Variants in CEACAM8 observed in about 807,000 individuals in gnomAD.
CEACAM8 encodes cell adhesion molecule CEACAM8.
In CEACAM8, 31 loss-of-function variants were observed where a neutral mutation model predicts 33.4. That is an observed-to-expected ratio of 0.93 (90% CI 0.70 to 1.25). CEACAM8 has a LOEUF of 1.25. Ranked by LOEUF, CEACAM8 falls within the 50% of genes most tolerant of loss-of-function variation. CEACAM8 has a pLI of 0.00. For missense variants in CEACAM8, 388 were observed against 434.6 expected, an observed-to-expected ratio of 0.89 and a Z score of 0.95; for synonymous variants, 138 against 164.5, an observed-to-expected ratio of 0.84 and a Z score of 1.23.
intron 4 of CEACAM8, 127 bp downstream of exon 4, chr19:42,588,657 A>G (rs2147863842): frequency 9.5e-7 from 1 of 1,050,650 alleles, no homozygotes; most frequent in East Asian, 2.4e-5. Context: ...GGTTTAGGAG[A>G]AAAGTTGGGG....
rs1304297553 is a variant in CEACAM8, at chr19:42,580,416, G to A, written c.*978C>T. On this transcript the variant is annotated 3_prime_UTR_variant, in exon 6 of 6. Transcript: ENST00000244336. Reference sequence around the variant, plus strand: ...ACTGTCAGCCATTGGGTGGACTAAAGGATCTCATACGTAAAAATTTGGGGT... The same window carrying A: ...ACTGTCAGCCATTGGGTGGACTAAAAGATCTCATACGTAAAAATTTGGGGT... 1 of 152,160 alleles carries A rather than the reference G, an allele frequency of 6.6e-6. No individual in the cohort carries two copies. Among genetic ancestry groups the A allele is most frequent in the East Asian group, 1.9e-4 (1 of 5,194 alleles). 9.4% of individuals were successfully genotyped at this position (152,160 alleles called of 1,614,324 possible). A position where few individuals can be genotyped will look rare whatever the true frequency, so the allele number is the denominator to read the frequency against.
Position 42,593,783 on chromosome 19 carries a change from T to C in CEACAM8, c.182A>G (p.Asp61Gly), listed in dbSNP as rs1230614438. The C allele has an allele frequency of 6.2e-7, 1 of 1,613,964 alleles. No homozygotes were observed. Among genetic ancestry groups the C allele is most frequent in the Admixed American group, 1.7e-5 (1 of 60,004 alleles). Residue 61 changes from aspartate to glycine, a missense_variant, in exon 2 of 6, where the codon GAC becomes GGC. Asp to Gly is a moderately conservative substitution (Grantham distance 94). Coordinates refer to ENST00000244336, the MANE Select transcript of CEACAM8 (RefSeq NM_001816.4). Reference sequence around the variant, plus strand: ...TTTGTACCAGTTGTAGCCACGAGGGTCCTGGGGCAGATTGTGGACAAGTAG... The same window carrying C: ...TTTGTACCAGTTGTAGCCACGAGGGCCCTGGGGCAGATTGTGGACAAGTAG... The part of the protein sequence containing the change: ...VLLLVHNLPQ[D>G]PRGYNWYKGE...
rs546492886 is a variant in CEACAM8, at chr19:42,580,928, A to G, written c.*466T>C. 6.6e-6 allele frequency: 1 copy of G among 152,142 alleles called. No homozygotes were observed. The highest frequency in any genetic ancestry group is 6.5e-5 in the Admixed American group (1 of 15,276). The allele number at this position is 152,142 out of a possible 1,614,324, so 9.4% of individuals were successfully genotyped here. On this transcript the variant is annotated 3_prime_UTR_variant, in exon 6 of 6. Transcript: ENST00000244336. Reference sequence around the variant, plus strand: ...ACCCCGTCTCTACTAAAAATACAAAAAATTAGCCGGGCGTTGTGGCAGGCG... The same window carrying G: ...ACCCCGTCTCTACTAAAAATACAAAGAATTAGCCGGGCGTTGTGGCAGGCG...
Position 42,583,286 on chromosome 19 carries a change from C to G in CEACAM8, c.1010G>C (p.Ser337Thr). The change falls in exon 5 of 6, where the codon AGC becomes ACC. Residue 337 changes from serine to threonine, a missense_variant. Physicochemically the swap from Ser to Thr is moderately conservative, Grantham distance 58. Transcript: ENST00000244336. ...CCTGGCCAGTACTCCAATCATGATG[C>G]TGACAGTGGCTCTAGCTGAGAGGCC... ...SPGLSARATV[S>T]IMIGVLARVA... 6.2e-7 allele frequency: 1 copy of G among 1,613,492 alleles called. No individual in the cohort carries two copies. The highest frequency in any genetic ancestry group is 8.5e-7 in the Non-Finnish European group (1 of 1,179,480).
At chr19:42,592,597 CAAAAAAAAAAAAA>C (rs922130468) in intron 2 of CEACAM8, among the ~76,000 whole-genome samples, 3 of 41,884 alleles carry the variant, frequency 7.2e-5, no homozygotes, top group Non-Finnish European at 1.0e-4. Context: ...GACTCCGTCT[CAAAAAAAAAAAAA>C]AAAAAAAAAA....
At chr19:42,593,298 TCTG>T (rs1277194077) in intron 2 of CEACAM8, among the ~76,000 whole-genome samples, 1 of 152,174 alleles carries the variant, frequency 6.6e-6, no homozygotes, top group Non-Finnish European at 1.5e-5. Flanking sequence ...CTGATCTCCT[TCTG>T]CTGAGTCCCC....
In CEACAM8 at chr19:42,593,739, T is replaced by G. The variant is rs150221785; in HGVS notation, c.226A>C (p.Asn76His). ...NWYKGETVDA[N>H]RRIIGYVISN... ...ATTACATATCCTATAATTCGACGGT[T>G]GGCATCCACTGTTTCCCCTTTGTAC... Residue 76 changes from asparagine (N) to histidine (H), a missense_variant, in exon 2 of 6, where the codon AAC (asparagine) becomes CAC (histidine). By Grantham distance (68) the Asn-to-His change is moderately conservative. Transcript: ENST00000244336. 335 of 1,613,994 alleles carry G rather than the reference T, an allele frequency of 2.1e-4. No homozygotes were observed. The highest frequency in any genetic ancestry group is 2.7e-4 in the Non-Finnish European group (324 of 1,180,016).
At chr19:42,593,466 G>A (rs1600305579) in intron 2 of CEACAM8, 75 bp downstream of exon 2, 2 of 1,519,036 alleles carry the variant, frequency 1.3e-6, no homozygotes, top group South Asian at 1.3e-5. Context: ...CATGGGCACA[G>A]CCCAGGCCTA....
chr19:42,592,717 C>T (rs966639531), intron 2 of CEACAM8, among the ~76,000 whole-genome samples: 11 of 151,990 alleles, frequency 7.2e-5, no homozygotes, highest in African/African-American at 2.7e-4. Flanking sequence ...AGTCACCTGA[C>T]CTGAAGCTTG....
At chr19:42,590,147 C>G (rs1420936961) in intron 2 of CEACAM8, among the ~76,000 whole-genome samples, 1 of 152,150 alleles carries the variant, frequency 6.6e-6, no homozygotes, top group Non-Finnish European at 1.5e-5. Flanking sequence ...TTTGAGGGTT[C>G]TGTTTCCAAG....
At chr19:42,584,778 G>GCAACTT (rs1456420865) in intron 4 of CEACAM8, among the ~76,000 whole-genome samples, 1 of 152,128 alleles carries the variant, frequency 6.6e-6, no homozygotes, top group African/African-American at 2.4e-5. Context: ...AACCTAATTT[G>GCAACTT]CAACTTCATG....
In CEACAM8 at chr19:42,592,375, C is replaced by G. The variant is rs375254990; in HGVS notation, c.424+1166G>C. 3.6e-4 allele frequency among the ~76,000 whole-genome samples: 55 copies of G among 152,158 alleles called. 1 individual carries two copies. Among genetic ancestry groups the G allele is most frequent in the African/African-American group, 1.3e-3 (53 of 41,518 alleles). ...ATCCCAGCATTTTGGGAGGCCGAGG[C>G]AGGCGGATCATGAGGTCAAGAAATC... On this transcript the variant is annotated intron_variant, in intron 2 of 5. Coordinates refer to ENST00000244336, the MANE Select transcript of CEACAM8 (RefSeq NM_001816.4).
intron 4 of CEACAM8, among the ~76,000 whole-genome samples, chr19:42,587,699 G>T (rs923225088): frequency 2.6e-5 from 4 of 151,914 alleles, no homozygotes; most frequent in African/African-American, 9.7e-5. Flanking sequence ...ACACTAAATT[G>T]CACGCATAGA....
chr19:42,590,805 C>G (rs1181011064), intron 2 of CEACAM8, among the ~76,000 whole-genome samples: 1 of 152,270 alleles, frequency 6.6e-6, no homozygotes, highest in South Asian at 2.1e-4. Context: ...GTTCATGGGT[C>G]TGCAGTTTCA....
chr19:42,586,302 C>T (rs1308421939), intron 4 of CEACAM8, among the ~76,000 whole-genome samples: 1 of 151,766 alleles, frequency 6.6e-6, no homozygotes, highest in Non-Finnish European at 1.5e-5. Context: ...AAAAAAGGAA[C>T]CTTGAAAAAA....
At chr19:42,594,040 C>G in intron 1 of CEACAM8, 140 bp from the exon 2 acceptor site, 1 of 887,086 alleles carries the variant, frequency 1.1e-6, no homozygotes, top group Admixed American at 2.7e-5. Flanking sequence ...AGCAGCACAG[C>G]CCCCATTTCT....
rs189408163 is a variant in CEACAM8 at position 42,580,323 on chromosome 19, G to A, written c.*1071C>T. ...TAAAACAGACAGTGAGAACAAGTGA[G>A]TCTAGGAGTCTGACTCTAAAAGAGA... On this transcript the variant is annotated 3_prime_UTR_variant, in exon 6 of 6. Coordinates refer to ENST00000244336, the MANE Select transcript of CEACAM8 (RefSeq NM_001816.4). 3.9e-5 allele frequency: 6 copies of A among 152,318 alleles called. No individual in the cohort carries two copies. The highest frequency in any genetic ancestry group is 1.4e-4 in the African/African-American group (6 of 41,560). The allele number at this position is 152,318 out of a possible 1,614,324, so 9.4% of individuals were successfully genotyped here. A position where few individuals can be genotyped will look rare whatever the true frequency, so the allele number is the denominator to read the frequency against.
chr19:42,588,767 T>G lies in CEACAM8; in HGVS notation c.958+17A>C. ...CTACCAGAAAACATACTGCCAGTGC[T>G]CCAGGGATCCACTTACCAGAGACTG... On this transcript the variant is annotated intron_variant, in intron 4 of 5. Transcript: ENST00000244336. 5 of 1,613,474 alleles carry G rather than the reference T, an allele frequency of 3.1e-6. No homozygotes were observed. Among genetic ancestry groups the G allele is most frequent in the Non-Finnish European group, 4.2e-6 (5 of 1,179,486 alleles).
chr19:42,594,031 G>T, intron 1 of CEACAM8, 131 bp from the exon 2 acceptor site: 1 of 941,922 alleles, frequency 1.1e-6, no homozygotes, highest in Non-Finnish European at 1.6e-6. Flanking sequence ...GTCAATGTCA[G>T]CAGCACAGCC....
Sources: allele counts gnomAD v4.1 joint callset (sites outside exome capture counted in the v4.1 genomes callset), GRCh38; gene constraint gnomAD v4.1.1; transcripts MANE v1.5; gene names NCBI Gene and HGNC (gene_info 2026-07-23, HGNC 2026-07-21).